Variants in HPSE2 observed in about 807,000 individuals in gnomAD.
The protein encoded by HPSE2 is heparanase 2 (inactive).
HPSE2 carries 38 observed loss-of-function variants against 60.5 expected under a neutral mutation model. That is an observed-to-expected ratio of 0.63 (90% CI 0.48 to 0.82). The LOEUF (loss-of-function observed/expected upper bound fraction) is 0.82, where lower values mean the gene tolerates loss of function less well. Among genes scored for constraint, HPSE2 ranks in the 40% least tolerant of loss-of-function variants. The probability of loss-of-function intolerance (pLI) is 0.00; values close to 1 mark genes in which losing one functional copy is unlikely to be tolerated. For synonymous variants in HPSE2, 295 were observed against 293.2 expected (o/e 1.01, Z -0.06); for missense variants, 713 against 740.4 (o/e 0.96, Z 0.43).
chr10:98,743,570 A>T (rs1173153909), intron 4 of HPSE2, among the ~76,000 whole-genome samples: 1 of 152,234 alleles, frequency 6.6e-6, no homozygotes, highest in Non-Finnish European at 1.5e-5. Flanking sequence ...AAGGCAGCTC[A>T]GGCTGTGCAA....
intron 3 of HPSE2, among the ~76,000 whole-genome samples, chr10:98,823,337 C>T (rs1446518305): frequency 6.6e-6 from 1 of 152,152 alleles, no homozygotes; most frequent in East Asian, 1.9e-4. Context: ...ATAAATAATG[C>T]ACCAGGCACA....
chr10:98,889,199 C>CTTTA (rs139951401), intron 3 of HPSE2, among the ~76,000 whole-genome samples: 8 of 150,664 alleles, frequency 5.3e-5, no homozygotes, highest in Non-Finnish European at 1.2e-4. Flanking sequence ...GTTTTTTAAA[C>CTTTA]TTTATTTATT....
rs73333746 is a variant in HPSE2, at chr10:99,170,479, G to A, written c.449-26080C>T. On this transcript the variant is annotated intron_variant, in intron 2 of 11. Coordinates refer to ENST00000370552, the MANE Select transcript of HPSE2 (RefSeq NM_021828.5). ...ATGCAATACAATTGGGTTGGAGGCT[G>A]AACCCAGCAGCAGCCACAACAAATC... Among the ~76,000 whole-genome samples, 427 of 152,268 alleles carry A rather than the reference G, an allele frequency of 2.8e-3. 4 individuals are homozygous for A. Among genetic ancestry groups the A allele is most frequent in the African/African-American group, 9.7e-3 (402 of 41,562 alleles).
chr10:98,820,701 T>C (rs555229891), intron 3 of HPSE2, among the ~76,000 whole-genome samples: 77 of 152,310 alleles, frequency 5.1e-4, no homozygotes, highest in African/African-American at 1.7e-3. Flanking sequence ...CCCCAAAACA[T>C]TGAGTTCAAC....
chr10:98,673,609 T>G (rs1325039945), intron 6 of HPSE2, among the ~76,000 whole-genome samples: 2 of 152,186 alleles, frequency 1.3e-5, no homozygotes, highest in African/African-American at 4.8e-5. Context: ...CATCTTCCCA[T>G]CCTTCTTCTT....
At chr10:99,134,404 C>T (rs928114585) in intron 3 of HPSE2, among the ~76,000 whole-genome samples, 3 of 152,040 alleles carry the variant, frequency 2.0e-5, no homozygotes, top group African/African-American at 7.3e-5. Flanking sequence ...AGAGCAACCC[C>T]AAGACACATT....
chr10:98,614,701 A>ATGTG lies in HPSE2; in HGVS notation c.1320+199_1320+202dup, dbSNP rs141443710. Among the ~76,000 whole-genome samples the ATGTG allele has an allele frequency of 1.3e-3, 190 of 149,016 alleles. 1 individual carries two copies. The highest frequency in any genetic ancestry group is 3.4e-3 in the Middle Eastern group (1 of 290). ...TGTATATATAAAAGTGAGTGAACAG[A>ATGTG]TGTGTGTGTGTGTGTGTGTGTGTGT... On this transcript the variant is annotated intron_variant, in intron 9 of 11. Coordinates refer to ENST00000370552, the MANE Select transcript of HPSE2 (RefSeq NM_021828.5).
intron 9 of HPSE2, among the ~76,000 whole-genome samples, chr10:98,583,112 A>G (rs1170051593): frequency 1.3e-5 from 2 of 152,214 alleles, no homozygotes; most frequent in Non-Finnish European, 2.9e-5. Context: ...TCAGCCTGCT[A>G]TTGAGGCAGG....
chr10:99,076,418 T>C (rs1177028538), intron 3 of HPSE2, among the ~76,000 whole-genome samples: 1 of 152,214 alleles, frequency 6.6e-6, no homozygotes, highest in Non-Finnish European at 1.5e-5. Context: ...TACATAGTTT[T>C]GCTTTCTCAC....
chr10:98,519,888 CT>C (rs1207101486), intron 9 of HPSE2, among the ~76,000 whole-genome samples: 4 of 152,228 alleles, frequency 2.6e-5, no homozygotes, highest in African/African-American at 9.6e-5. Context: ...TATTTTGCAG[CT>C]GCTTCAATTA....
At chr10:98,577,491 C>G (rs1284452497) in intron 9 of HPSE2, among the ~76,000 whole-genome samples, 1 of 152,152 alleles carries the variant, frequency 6.6e-6, no homozygotes, top group African/African-American at 2.4e-5. Flanking sequence ...TTACCTAGCC[C>G]TAATCAAGCC....
intron 6 of HPSE2, among the ~76,000 whole-genome samples, chr10:98,689,602 T>C: frequency 6.6e-6 from 1 of 152,228 alleles, no homozygotes; most frequent in East Asian, 1.9e-4. Context: ...AGGTTTCTAT[T>C]TATTGCTTAT....
intron 3 of HPSE2, among the ~76,000 whole-genome samples, chr10:98,893,713 C>A (rs1338905462): frequency 1.3e-5 from 2 of 152,000 alleles, no homozygotes; most frequent in Non-Finnish European, 2.9e-5. Context: ...GGGAATCCAG[C>A]AAGAAAAGTA....
intron 5 of HPSE2, among the ~76,000 whole-genome samples, chr10:98,699,851 GACAA>G (rs1186587138): frequency 8.9e-6 from 1 of 112,320 alleles, no homozygotes; most frequent in Non-Finnish European, 2.0e-5. Flanking sequence ...ACCAATAACA[GACAA>G]ACAGAGAGCC....
In HPSE2 at chr10:99,059,160, C is replaced by A. The variant is rs573021307; in HGVS notation, c.610+85078G>T. 8.0e-4 allele frequency among the ~76,000 whole-genome samples: 122 copies of A among 152,162 alleles called. No individual in the cohort carries two copies. In the Middle Eastern group the frequency reaches 0.01, roughly 13 times the overall value. On this transcript the variant is annotated intron_variant, in intron 3 of 11. Coordinates refer to ENST00000370552, the MANE Select transcript of HPSE2 (RefSeq NM_021828.5). The stretch of plus-strand genomic sequence containing the variant: ...AGACCATACTAAAACAGGAAGCAGG[C>A]CAGATTTGGCCCATGGGCCATAGTT...
chr10:99,068,003 GA>G (rs1401520270), intron 3 of HPSE2, among the ~76,000 whole-genome samples: 24 of 152,238 alleles, frequency 1.6e-4, no homozygotes, highest in South Asian at 6.2e-4. Context: ...AAGGCAGGGG[GA>G]AAATGCCACC....
intron 3 of HPSE2, among the ~76,000 whole-genome samples, chr10:98,819,091 G>T (rs1267539769): frequency 6.6e-6 from 1 of 152,210 alleles, no homozygotes; most frequent in Non-Finnish European, 1.5e-5. Context: ...AGTAGGGGGA[G>T]ATTGCATACA....
At chr10:98,536,048 A>T (rs1943273766) in intron 9 of HPSE2, among the ~76,000 whole-genome samples, 1 of 152,176 alleles carries the variant, frequency 6.6e-6, no homozygotes, top group African/African-American at 2.4e-5. Flanking sequence ...ATGCAGACAA[A>T]AGATGGGCAA....
chr10:98,489,105 T>C (rs1291548205), intron 10 of HPSE2, among the ~76,000 whole-genome samples: 1 of 152,188 alleles, frequency 6.6e-6, no homozygotes, highest in East Asian at 1.9e-4. Context: ...CTGGAGGCAC[T>C]TGCTTACCAT....
Sources: allele counts gnomAD v4.1 joint callset (sites outside exome capture counted in the v4.1 genomes callset), GRCh38; gene constraint gnomAD v4.1.1; transcripts MANE v1.5; gene names NCBI Gene and HGNC (gene_info 2026-07-23, HGNC 2026-07-21).